FBXL2: variants seen among roughly 807,000 people sequenced by gnomAD.
FBXL2 encodes the protein F-box/LRR-repeat protein 2.
Under a neutral mutation model 69.2 loss-of-function variants are expected in FBXL2, and 38 were observed. The ratio of observed to expected loss-of-function variants is 0.55; its 90% CI spans 0.42 to 0.72. The LOEUF is 0.72. FBXL2 is among the 30% of genes least tolerant of loss of function. The pLI is 0.00. For missense variants in FBXL2, 354 were observed against 520.3 expected, an observed-to-expected ratio of 0.68 and a Z score of 3.11; for synonymous variants, 192 against 201.3, an observed-to-expected ratio of 0.95 and a Z score of 0.39.
Position 33,387,615 on chromosome 3 carries a change from A to C in FBXL2, c.*2007A>C, listed in dbSNP as rs1450262453. On this transcript the variant is annotated 3_prime_UTR_variant, in exon 15 of 15. Transcript: ENST00000484457. ...CAGTGAGACTCCATCATCATCTCAA[A>C]ACAAAACAAACAAACAAACAAAACA... 9.5e-6 allele frequency: 1 copy of C among 104,728 alleles called. No individual in the cohort carries two copies. The highest frequency in any genetic ancestry group is 3.4e-4 in the East Asian group (1 of 2,952). 6.5% of individuals were successfully genotyped at this position (104,728 alleles called of 1,614,324 possible).
intron 2 of FBXL2, among the ~76,000 whole-genome samples, chr3:33,298,422 A>T (rs970534997): frequency 6.6e-6 from 1 of 152,186 alleles, no homozygotes; most frequent in Non-Finnish European, 1.5e-5. Context: ...CTGTAATCCC[A>T]GCACTTTGGG....
intron 2 of FBXL2, among the ~76,000 whole-genome samples, chr3:33,298,671 T>A (rs1048689539): frequency 7.9e-6 from 1 of 126,392 alleles, no homozygotes; most frequent in Admixed American, 1.0e-4. Flanking sequence ...CACTCTAGCC[T>A]GGGTGACAGA....
intron 2 of FBXL2, among the ~76,000 whole-genome samples, chr3:33,330,640 C>T (rs2039074495): frequency 1.3e-5 from 2 of 152,074 alleles, no homozygotes; most frequent in Non-Finnish European, 2.9e-5. Flanking sequence ...GTAATCCCAG[C>T]ACTCTGAGAG....
chr3:33,293,185 A>T (rs1421157994), intron 1 of FBXL2, among the ~76,000 whole-genome samples: 1 of 152,156 alleles, frequency 6.6e-6, no homozygotes, highest in East Asian at 1.9e-4. Flanking sequence ...GTAATTGGAG[A>T]CTTCACAGCT....
intron 2 of FBXL2, among the ~76,000 whole-genome samples, chr3:33,349,862 G>C (rs2040707078): frequency 1.3e-5 from 2 of 152,140 alleles, no homozygotes; most frequent in South Asian, 4.1e-4. Context: ...GAAGTAAACT[G>C]AATAGGCATA....
chr3:33,402,091 C>T (rs566585096), intron 12 of FBXL2, among the ~76,000 whole-genome samples: 1 of 152,264 alleles, frequency 6.6e-6, no homozygotes, highest in Non-Finnish European at 1.5e-5. Context: ...TCTTAGCTTT[C>T]ATAATTTTCC....
downstream of FBXL2, chr3:33,389,546 A>C (rs920797953): frequency 6.6e-6 from 1 of 152,210 alleles, no homozygotes; most frequent in Non-Finnish European, 1.5e-5. Flanking sequence ...CCACGAGTTT[A>C]AAAGGCAAGG....
chr3:33,420,709 G>A, the FBXL2 span, among the ~76,000 whole-genome samples: 1 of 152,044 alleles, frequency 6.6e-6, no homozygotes, highest in Non-Finnish European at 1.5e-5. Context: ...GGATGATCTC[G>A]ATCTCTCGAC....
intron 12 of FBXL2, chr3:33,400,302 A>G (rs1276294048): frequency 6.4e-7 from 1 of 1,568,072 alleles, no homozygotes; most frequent in Admixed American, 1.9e-5. Flanking sequence ...ATGAAAATGA[A>G]CATAAATAAA....
chr3:33,303,003 A>G, intron 2 of FBXL2: 5 of 453,682 alleles, frequency 1.1e-5, no homozygotes, highest in South Asian at 7.8e-5. Context: ...CTTGGCAAGC[A>G]GTACAGTAAA....
chr3:33,329,744 C>T (rs554304337), intron 2 of FBXL2, among the ~76,000 whole-genome samples: 19 of 152,268 alleles, frequency 1.2e-4, no homozygotes, highest in East Asian at 3.9e-4. Flanking sequence ...GTAATCCCAG[C>T]ACTTTGGGAG....
At chr3:33,306,349 A>G (rs2125745361) in intron 2 of FBXL2, among the ~76,000 whole-genome samples, 1 of 152,274 alleles carries the variant, frequency 6.6e-6, no homozygotes, top group Non-Finnish European at 1.5e-5. Context: ...ACGTAAGTCA[A>G]TAAACTTTGC....
chr3:33,392,429 T>G (rs992913050), downstream of FBXL2: 2 of 735,864 alleles, frequency 2.7e-6, no homozygotes, highest in Non-Finnish European at 4.2e-6. Flanking sequence ...CTAGAAATAT[T>G]CTCATTTATC....
chr3:33,302,995 TG>T, intron 2 of FBXL2: 1 of 450,612 alleles, frequency 2.2e-6, no homozygotes, highest in Non-Finnish European at 4.5e-6. Context: ...CATAGGTCCT[TG>T]GCAAGCAGTA....
chr3:33,352,820 G>A (rs762986050), intron 2 of FBXL2, among the ~76,000 whole-genome samples: 2 of 152,052 alleles, frequency 1.3e-5, no homozygotes, highest in Non-Finnish European at 2.9e-5. Flanking sequence ...GCTTGAATAC[G>A]GGAGGCGGTG....
the FBXL2 span, among the ~76,000 whole-genome samples, chr3:33,414,642 A>T: frequency 6.6e-6 from 1 of 152,166 alleles, no homozygotes; most frequent in African/African-American, 2.4e-5. Flanking sequence ...TTCTCTAGCT[A>T]AAAAAAGGAT....
Position 33,359,270 on chromosome 3 carries a change from TC to T in FBXL2, c.121-10del. On this transcript the variant is annotated splice_polypyrimidine_tract_variant and intron_variant, in intron 3 of 14. Coordinates refer to ENST00000484457, the MANE Select transcript of FBXL2 (RefSeq NM_012157.5). ...TCATCCCAATCCCTCTTCCTTTACC[TC>T]CCACCTTCCAGGCTTGGAACATCTT... The T allele has an allele frequency of 1.2e-6, 2 of 1,606,904 alleles. No homozygotes were observed. The highest frequency in any genetic ancestry group is 8.5e-7 in the Non-Finnish European group (1 of 1,175,212).
At chr3:33,397,139 G>A (rs368823146) in intron 12 of FBXL2, 63 of 1,572,750 alleles carry the variant, frequency 4.0e-5, no homozygotes, top group Non-Finnish European at 5.2e-5. Flanking sequence ...TCGGCACCTA[G>A]AGAAGAGCAA....
At chr3:33,380,117 C>T (rs1187678027) in intron 13 of FBXL2, among the ~76,000 whole-genome samples, 1 of 150,874 alleles carries the variant, frequency 6.6e-6, no homozygotes, top group Non-Finnish European at 1.5e-5. Context: ...CCCAGCTACT[C>T]TGGAGGCTGA....
Sources: gnomAD v4.1 joint callset for allele counts (sites outside exome capture counted in the v4.1 genomes callset) on GRCh38, gnomAD v4.1.1 for gene constraint, MANE v1.5 for transcripts, NCBI Gene and HGNC (gene_info 2026-07-23, HGNC 2026-07-21) for gene names.